ACTG2: variants seen among roughly 807,000 people sequenced by gnomAD.
The protein encoded by ACTG2 is actin, gamma-enteric smooth muscle.
A neutral mutation model predicts 37.6 loss-of-function variants in ACTG2; 16 were observed. The observed-to-expected ratio is 0.43, with a 90% confidence interval of 0.29 to 0.65. The LOEUF is 0.65. Among genes scored for constraint, ACTG2 ranks in the 30% least tolerant of loss-of-function variants. ACTG2 has a pLI of 0.18. For missense variants in ACTG2, 238 were observed against 490.9 expected, an observed-to-expected ratio of 0.48 and a Z score of 4.87; for synonymous variants, 181 against 179.9, an observed-to-expected ratio of 1.01 and a Z score of -0.05.
In ACTG2 at chr2:73,917,413, C is replaced by T. The variant is rs78851179; in HGVS notation, c.987+648C>T. Among the ~76,000 whole-genome samples, 969 of 152,264 alleles carry T rather than the reference C, an allele frequency of 6.4e-3. 11 individuals carry two copies. The highest frequency in any genetic ancestry group is 0.022 in the African/African-American group (920 of 41,536). On this transcript the variant is annotated intron_variant, in intron 8 of 8. Transcript: ENST00000345517. The stretch of plus-strand genomic sequence containing the variant: ...TTCCTGAACATCTCTGATCTACTGT[C>T]CCATCTTGGCCATGCCCTTCCCCAT...
At chr2:73,897,241 T>G (rs1443085830) in intron 1 of ACTG2, 1 of 152,214 alleles carries the variant, frequency 6.6e-6, no homozygotes, top group African/African-American at 2.4e-5. Context: ...CCTCTTTCTG[T>G]GTGTGGGAAA....
At chr2:73,916,422 G>C (rs1680268552) in intron 7 of ACTG2, among the ~76,000 whole-genome samples, 162 bp from the exon 8 acceptor site, 1 of 151,474 alleles carries the variant, frequency 6.6e-6, no homozygotes, top group Admixed American at 6.6e-5. Context: ...ATAAAGGAAA[G>C]GCCATGACAA....
chr2:73,911,996 G>A lies in ACTG2; in HGVS notation c.452-1489G>A, dbSNP rs192243226. On this transcript the variant is annotated intron_variant, in intron 5 of 8. Transcript: ENST00000345517. ...GTGCCAAACATGGTACCAGGCCATGGGCACACACTGACAAATAAGACAGAC... is the reference window on the plus strand; with the variant it reads ...GTGCCAAACATGGTACCAGGCCATGAGCACACACTGACAAATAAGACAGAC... Among the ~76,000 whole-genome samples, 21 of 152,220 alleles carry A rather than the reference G, an allele frequency of 1.4e-4. No individual in the cohort carries two copies. The East Asian group carries it at 4.0e-3, about 29-fold the overall frequency.
chr2:73,895,294 G>A (rs540614083), intron 1 of ACTG2, among the ~76,000 whole-genome samples: 35 of 152,252 alleles, frequency 2.3e-4, no homozygotes, highest in African/African-American at 8.4e-4. Context: ...GGAAGTCCGG[G>A]TAAGAGCCAG....
intron 5 of ACTG2, among the ~76,000 whole-genome samples, chr2:73,909,973 G>C (rs956678809): frequency 2.0e-5 from 3 of 152,172 alleles, no homozygotes; most frequent in Non-Finnish European, 2.9e-5. Flanking sequence ...CCAGCACTTT[G>C]TGAGGCTGAG....
At chr2:73,918,193 T>C (rs187882480) in intron 8 of ACTG2, among the ~76,000 whole-genome samples, 2 of 152,246 alleles carry the variant, frequency 1.3e-5, no homozygotes, top group African/African-American at 2.4e-5. Flanking sequence ...CCTATCCAAA[T>C]TGGACAGCAG....
intron 8 of ACTG2, among the ~76,000 whole-genome samples, chr2:73,917,920 C>T (rs1003794661): frequency 6.6e-6 from 1 of 152,194 alleles, no homozygotes; most frequent in African/African-American, 2.4e-5. Flanking sequence ...AGCCTCACTC[C>T]CAGATTCTGG....
chr2:73,901,568 G>GTGTC, intron 2 of ACTG2, 131 bp downstream of exon 2: 1 of 93,290 alleles, frequency 1.1e-5, no homozygotes, highest in Non-Finnish European at 1.7e-5. Context: ...GTGTGTGTGT[G>GTGTC]TGTGTGTGTG....
intron 6 of ACTG2, 41 bp from the exon 7 acceptor site, chr2:73,914,639 A>T: frequency 6.9e-7 from 1 of 1,442,018 alleles, no homozygotes; most frequent in Non-Finnish European, 9.2e-7. Flanking sequence ...CCAAACTATC[A>T]GAGCTCAGTA....
At chr2:73,898,675 C>T (rs550735168) in intron 1 of ACTG2, among the ~76,000 whole-genome samples, 1 of 152,228 alleles carries the variant, frequency 6.6e-6, no homozygotes, top group African/African-American at 2.4e-5. Flanking sequence ...GAACCACACA[C>T]AGTACCCCAG....
At position 73,909,134 on chromosome 2, in the gene ACTG2, C is replaced by T; in HGVS notation, c.446C>T (p.Thr149Met). Residue 149 changes from threonine (T) to methionine (M), a missense_variant, in exon 5 of 9, where the codon ACG becomes ATG. Thr to Met is a moderately conservative substitution (Grantham distance 81). Coordinates refer to ENST00000345517, the MANE Select transcript of ACTG2 (RefSeq NM_001615.4). ...AVLSLYASGR[T>M]TGIVLDSGDG... Reference sequence around the variant, plus strand: ...CTCTCCCTCTATGCCTCTGGCCGCACGACAGGTGAGTAATCCTGTAATCCA... The same window carrying T: ...CTCTCCCTCTATGCCTCTGGCCGCATGACAGGTGAGTAATCCTGTAATCCA... 1 of 1,612,474 alleles carries T rather than the reference C, an allele frequency of 6.2e-7. No individual in the cohort carries two copies. Among genetic ancestry groups the T allele is most frequent in the Non-Finnish European group, 8.5e-7 (1 of 1,178,462 alleles).
At chr2:73,902,583 C>T (rs1369680558) in intron 3 of ACTG2, 95 bp downstream of exon 3, 1 of 1,570,672 alleles carries the variant, frequency 6.4e-7, no homozygotes, top group South Asian at 1.2e-5. Context: ...TCAACTCTCC[C>T]TCTAAAATGC....
chr2:73,909,530 C>G (rs1220564294), intron 5 of ACTG2, among the ~76,000 whole-genome samples: 3 of 152,172 alleles, frequency 2.0e-5, no homozygotes, highest in Non-Finnish European at 2.9e-5. Context: ...GTGACTTTGT[C>G]ACTGTGGGAA....
chr2:73,904,543 A>G (rs1038694676), intron 3 of ACTG2, among the ~76,000 whole-genome samples: 1 of 151,692 alleles, frequency 6.6e-6, no homozygotes, highest in Non-Finnish European at 1.5e-5. Flanking sequence ...CTGTCGTCCC[A>G]GCTACTCCAG....
chr2:73,901,746 C>CTTACA, intron 2 of ACTG2: 1 of 365,252 alleles, frequency 2.7e-6, no homozygotes, highest in African/African-American at 2.1e-5. Flanking sequence ...CTATGTCTGG[C>CTTACA]TTACATTTGG....
At chr2:73,908,821 T>C (rs2104815543) in intron 4 of ACTG2, 38 bp downstream of exon 4, 2 of 1,525,010 alleles carry the variant, frequency 1.3e-6, no homozygotes, top group South Asian at 2.3e-5. Flanking sequence ...GGCATAAGAA[T>C]GCAACATGGA....
Position 73,902,344 on chromosome 2 carries a change from T to A in ACTG2, c.127-16T>A. On this transcript the variant is annotated splice_polypyrimidine_tract_variant and intron_variant, in intron 2 of 8. Transcript: ENST00000345517. ...CCTCAGCCATTCATTTCTCTTTTCT[T>A]CTTTTTGCATTGCAGGGTGTGATGG... 2 of 1,613,184 alleles carry A rather than the reference T, an allele frequency of 1.2e-6. No homozygotes were observed. Among genetic ancestry groups the A allele is most frequent in the Non-Finnish European group, 1.7e-6 (2 of 1,179,654 alleles).
intron 1 of ACTG2, among the ~76,000 whole-genome samples, chr2:73,894,774 C>T (rs912840760): frequency 6.6e-6 from 1 of 151,930 alleles, no homozygotes; most frequent in Admixed American, 6.6e-5. Context: ...CTTTGGGACT[C>T]AAGTGGCTCA....
At chr2:73,918,090 A>G (rs1680308983) in intron 8 of ACTG2, among the ~76,000 whole-genome samples, 1 of 152,254 alleles carries the variant, frequency 6.6e-6, no homozygotes, top group Non-Finnish European at 1.5e-5. Context: ...CAATACCAGG[A>G]CAATCTAAAT....
Sources: allele counts gnomAD v4.1 joint callset (sites outside exome capture counted in the v4.1 genomes callset), GRCh38; gene constraint gnomAD v4.1.1; transcripts MANE v1.5; gene names NCBI Gene and HGNC (gene_info 2026-07-23, HGNC 2026-07-21).